LRRK2: variants seen among roughly 807,000 people sequenced by gnomAD.
LRRK2 encodes the protein leucine rich repeat kinase 2, also known as leucine-rich repeat serine/threonine-protein kinase 2.
Under a neutral mutation model 302.6 loss-of-function variants are expected in LRRK2, and 203 were observed. The ratio of observed to expected loss-of-function variants is 0.67; its 90% CI spans 0.60 to 0.75. The LOEUF (loss-of-function observed/expected upper bound fraction) is 0.75. Among genes scored for constraint, LRRK2 ranks in the 30% least tolerant of loss-of-function variants. The probability of loss-of-function intolerance (pLI) is 0.00; values close to 1 mark genes in which losing one functional copy is unlikely to be tolerated. For missense variants in LRRK2, 2,830 were observed against 2,951.0 expected (o/e 0.96, Z 0.95); for synonymous variants, 1,066 against 1,031.9 (o/e 1.03, Z -0.63).
At chr12:40,309,586 A>G (rs1944967318) in intron 30 of LRRK2, among the ~76,000 whole-genome samples, 2 of 152,150 alleles carry the variant, frequency 1.3e-5, no homozygotes, top group South Asian at 4.1e-4. Context: ...ATCTATATAT[A>G]TATATCTCAT....
At chr12:40,247,505 C>T (rs10450793) in intron 7 of LRRK2, among the ~76,000 whole-genome samples, 3 of 135,592 alleles carry the variant, frequency 2.2e-5, no homozygotes, top group African/African-American at 8.4e-5. Context: ...TATATTTACA[C>T]ATGTATATAA....
rs75695264 is a variant in LRRK2, at chr12:40,363,410, A to G, written c.7037A>G (p.Tyr2346Cys). The G allele has an allele frequency of 1.9e-6, 3 of 1,611,352 alleles. No homozygotes were observed. The highest frequency in any genetic ancestry group is 2.5e-6 in the Non-Finnish European group (3 of 1,178,318). Reference sequence around the variant, plus strand: ...TTTTTTTTTCTCTGTAGGTTTTCTTATGCAGCTTTCAGTGATTCCAACATC... The same window carrying G: ...TTTTTTTTTCTCTGTAGGTTTTCTTGTGCAGCTTTCAGTGATTCCAACATC... Reference protein sequence around the residue: ...IETRTSQLFSYAAFSDSNIIT... With the variant: ...IETRTSQLFSCAAFSDSNIIT... The change falls in exon 48 of 51, where the codon TAT becomes TGT. Residue 2346 changes from tyrosine to cysteine, a missense_variant. Transcript: ENST00000298910.
chr12:40,272,632 AAG>A (rs1345521410), intron 14 of LRRK2, among the ~76,000 whole-genome samples: 16 of 152,170 alleles, frequency 1.1e-4, no homozygotes, highest in African/African-American at 3.6e-4. Context: ...AGAAGACAGA[AAG>A]AACTTTGGGC....
At chr12:40,298,593 G>T in intron 24 of LRRK2, 100 bp downstream of exon 24, 1 of 1,439,274 alleles carries the variant, frequency 6.9e-7, no homozygotes, top group South Asian at 1.2e-5. Context: ...ACAACATGGT[G>T]AAACTCCATC....
intron 46 of LRRK2, among the ~76,000 whole-genome samples, chr12:40,356,681 A>G (rs979368377): frequency 6.6e-6 from 1 of 152,158 alleles, no homozygotes; most frequent in South Asian, 2.1e-4. Context: ...TCATTCTCCT[A>G]TTGCCAAAAA....
At chr12:40,299,396 C>G (rs1944534330) in intron 25 of LRRK2, 139 bp downstream of exon 25, 1 of 950,288 alleles carries the variant, frequency 1.1e-6, no homozygotes, top group African/African-American at 1.6e-5. Flanking sequence ...ATAAAATTAG[C>G]AGGTTGGCAA....
chr12:40,359,607 T>G (rs1592342169), intron 47 of LRRK2, among the ~76,000 whole-genome samples, 163 bp downstream of exon 47: 1 of 152,128 alleles, frequency 6.6e-6, no homozygotes, highest in African/African-American at 2.4e-5. Context: ...TTTTGAAAAT[T>G]CCAGAAAGCA....
chr12:40,344,609 G>A (rs1946137961), intron 41 of LRRK2, among the ~76,000 whole-genome samples: 1 of 152,188 alleles, frequency 6.6e-6, no homozygotes, highest in African/African-American at 2.4e-5. Flanking sequence ...CAAATGAAAT[G>A]TTCAATAAGG....
chr12:40,247,087 C>A (rs376554033), intron 7 of LRRK2, among the ~76,000 whole-genome samples: 24 of 152,152 alleles, frequency 1.6e-4, no homozygotes, highest in African/African-American at 5.8e-4. Context: ...TTCATTGTTA[C>A]AAATTTTGAG....
chr12:40,355,561 TGAA>T (rs1946509001), intron 45 of LRRK2, among the ~76,000 whole-genome samples: 2 of 96,390 alleles, frequency 2.1e-5, no homozygotes, highest in South Asian at 3.9e-4. Context: ...TTTTTTTTTT[TGAA>T]GGAGTTTTGC....
At chr12:40,322,269 G>A (rs199802302) in intron 36 of LRRK2, 50 bp from the exon 37 acceptor site, 63 of 1,602,690 alleles carry the variant, frequency 3.9e-5, no homozygotes, top group East Asian at 1.6e-4. Context: ...AAAGCTTTGC[G>A]ACAGTATGAG....
chr12:40,299,071 T>G, intron 24 of LRRK2, 38 bp from the exon 25 acceptor site: 1 of 1,601,018 alleles, frequency 6.2e-7, no homozygotes, highest in South Asian at 1.1e-5. Flanking sequence ...GCATATGAAT[T>G]TATGCAATTT....
At chr12:40,336,919 C>A (rs1945890035) in intron 40 of LRRK2, among the ~76,000 whole-genome samples, 1 of 152,162 alleles carries the variant, frequency 6.6e-6, no homozygotes, top group Admixed American at 6.5e-5. Context: ...TGAAGAATTG[C>A]TATTTTTTAA....
intron 49 of LRRK2, chr12:40,365,737 TAATG>T (rs1204529231): frequency 6.6e-6 from 1 of 151,990 alleles, no homozygotes; most frequent in Non-Finnish European, 1.5e-5. Context: ...CTTTAGCAAA[TAATG>T]AATGTTTTGA....
At chr12:40,311,536 A>T (rs1210201960) in intron 31 of LRRK2, among the ~76,000 whole-genome samples, 2 of 152,196 alleles carry the variant, frequency 1.3e-5, no homozygotes, top group Non-Finnish European at 2.9e-5. Context: ...ATAGAGTCCT[A>T]TTTGGCCTGG....
At chr12:40,363,168 T>C (rs1228615514) in intron 47 of LRRK2, among the ~76,000 whole-genome samples, 1 of 152,096 alleles carries the variant, frequency 6.6e-6, no homozygotes, top group East Asian at 1.9e-4. Flanking sequence ...TAATCTTTAT[T>C]TTATTATCAC....
chr12:40,243,636 A>G lies in LRRK2; in HGVS notation c.793A>G (p.Arg265Gly). The G allele has an allele frequency of 6.2e-7, 1 of 1,612,190 alleles. No homozygotes were observed. Among genetic ancestry groups the G allele is most frequent in the South Asian group, 1.1e-5 (1 of 91,060 alleles). ...EAMKAFPMSE[R>G]IQEVSCCLLH... ...TATGAAAGCATTCCCTATGAGTGAAAGAATTCAAGAAGTGAGTTGCTGTTT... is the reference window on the plus strand; with the variant it reads ...TATGAAAGCATTCCCTATGAGTGAAGGAATTCAAGAAGTGAGTTGCTGTTT... The change falls in exon 7 of 51, where the codon AGA becomes GGA. Residue 265 changes from arginine (R) to glycine (G), a missense_variant. By Grantham distance (125) the Arg-to-Gly change is moderately radical. Coordinates refer to ENST00000298910, the MANE Select transcript of LRRK2 (RefSeq NM_198578.4).
chr12:40,294,909 C>T lies in LRRK2; in HGVS notation c.2873C>T (p.Ser958Leu), dbSNP rs373486170. Residue 958 changes from serine (S) to leucine (L), a missense_variant, in exon 22 of 51, where the codon TCA (serine) becomes TTA (leucine). This residue lies in a region of LRRK2 where 2,121 missense variants were observed against 2,148.0 expected (regional missense o/e 0.99). Transcript: ENST00000298910. ...AGAAAAATATTATCTTCAGATGATTCACTCAGTAAGTATTTGGATGTAATC... is the reference window on the plus strand; with the variant it reads ...AGAAAAATATTATCTTCAGATGATTTACTCAGTAAGTATTTGGATGTAATC... ...RKRKILSSDD[S>L]LRSSKLQSHM... 56 of 1,525,008 alleles carry T rather than the reference C, an allele frequency of 3.7e-5. No homozygotes were observed. The African/African-American group carries it at 5.0e-4, about 14-fold the overall frequency. 94.5% of individuals were successfully genotyped at this position (1,525,008 alleles called of 1,614,324 possible).
Position 40,274,994 on chromosome 12 carries a change from G to T in LRRK2, c.1941+1G>T. 6.2e-7 allele frequency: 1 copy of T among 1,613,838 alleles called. No individual in the cohort carries two copies. The highest frequency in any genetic ancestry group is 1.1e-5 in the South Asian group (1 of 91,064). On this transcript the variant is annotated splice_donor_variant, in intron 16 of 50. Transcript: ENST00000298910. LOFTEE classifies it high-confidence loss of function. ...GGATGTTGCTGAAATACAGACTAAA[G>T]TATGTGCATTATCTTGGAAAGAATT...
Sources: allele counts gnomAD v4.1 joint callset (sites outside exome capture counted in the v4.1 genomes callset), GRCh38; gene constraint gnomAD v4.1.1; regional missense constraint gnomAD v4.1.1; transcripts MANE v1.5; gene names NCBI Gene and HGNC (gene_info 2026-07-23, HGNC 2026-07-21).